The following PRMT7 variants were observed in gnomAD, a reference collection of about 807,000 sequenced individuals.
PRMT7 encodes protein arginine N-methyltransferase 7.
PRMT7 carries 75 observed loss-of-function variants against 85.4 expected under a neutral mutation model. The ratio of observed to expected loss-of-function variants is 0.88; its 90% CI spans 0.73 to 1.06. The LOEUF is 1.06. Ranked by LOEUF, PRMT7 falls within the 50% of genes least tolerant of loss-of-function variation. The pLI, the probability that PRMT7 is intolerant of heterozygous loss-of-function variation, is 0.00. For missense variants in PRMT7, 868 were observed against 915.2 expected, an observed-to-expected ratio of 0.95 and a Z score of 0.67; for synonymous variants, 397 against 359.5, an observed-to-expected ratio of 1.10 and a Z score of -1.18.
At chr16:68,332,693 G>C (rs2084070192) in intron 6 of PRMT7, among the ~76,000 whole-genome samples, 5 of 152,088 alleles carry the variant, frequency 3.3e-5, no homozygotes, top group Non-Finnish European at 7.4e-5. Flanking sequence ...TCTCTGCCTG[G>C]CAAGTTCCAG....
chr16:68,352,733 C>T (rs767203256), intron 15 of PRMT7: 44 of 191,926 alleles, frequency 2.3e-4, no homozygotes, highest in Non-Finnish European at 3.1e-4. Context: ...GCCGAGGCTT[C>T]GATTGTTAAA....
chr16:68,327,011 G>T (rs10775303), intron 5 of PRMT7, among the ~76,000 whole-genome samples: 63,378 of 152,004 alleles, frequency 0.42, 16,270 homozygotes, highest in East Asian at 0.78. Flanking sequence ...AAAACATCAA[G>T]GCAAATCCTA....
chr16:68,329,968 A>C (rs953124766), intron 6 of PRMT7, among the ~76,000 whole-genome samples: 1 of 151,766 alleles, frequency 6.6e-6, no homozygotes. Flanking sequence ...ATCTTGGCTC[A>C]CTGCATCCTC....
At chr16:68,348,195 AT>A in intron 13 of PRMT7, 146 bp from the exon 14 acceptor site, 1 of 683,688 alleles carries the variant, frequency 1.5e-6, no homozygotes. Context: ...CAAGGAGAGG[AT>A]TTTTCCACAA....
chr16:68,345,551 T>G lies in PRMT7; in HGVS notation c.928-124T>G, dbSNP rs535726880. 14 of 1,394,826 alleles carry G rather than the reference T, an allele frequency of 1.0e-5. No homozygotes were observed. In the African/African-American group the frequency reaches 2.0e-4, roughly 20 times the overall value. 86.4% of individuals were successfully genotyped at this position (1,394,826 alleles called of 1,614,324 possible). A position where few individuals can be genotyped will look rare whatever the true frequency, so the allele number is the denominator to read the frequency against. ...AGTTTATTTATCTCCTTGGCCACAA[T>G]AGCCAGCTGTAGTCTACATTGTGGA... On this transcript the variant is annotated intron_variant, in intron 9 of 18. Coordinates refer to ENST00000441236, the MANE Select transcript of PRMT7 (RefSeq NM_019023.5).
chr16:68,338,391 G>A (rs1022431242), intron 7 of PRMT7, among the ~76,000 whole-genome samples: 1 of 151,966 alleles, frequency 6.6e-6, no homozygotes, highest in African/African-American at 2.4e-5. Context: ...GGAAGGTTGG[G>A]AAGTGGTGAG....
At chr16:68,322,398 G>A (rs752202319) in intron 4 of PRMT7, 2 of 451,574 alleles carry the variant, frequency 4.4e-6, no homozygotes, top group Non-Finnish European at 8.9e-6. Context: ...GAGTTTCGCT[G>A]TATTGCCCAG....
intron 6 of PRMT7, among the ~76,000 whole-genome samples, chr16:68,336,858 T>C (rs2151691476): frequency 6.6e-6 from 1 of 152,304 alleles, no homozygotes; most frequent in South Asian, 2.1e-4. Flanking sequence ...GTTCAAGTGA[T>C]TCTCATGCCT....
intron 3 of PRMT7, among the ~76,000 whole-genome samples, chr16:68,319,709 A>AGTGTGTGTGTGTGTGTGTGT (rs750593103): frequency 1.6e-3 from 66 of 41,896 alleles, no homozygotes; most frequent in African/African-American, 7.0e-3. Context: ...AATAAGAGTG[A>AGTGTGTGTGTGTGTGTGTGT]GAGTGTGTGT....
intron 6 of PRMT7, 155 bp downstream of exon 6, chr16:68,329,329 T>C (rs2083528707): frequency 1.8e-6 from 1 of 553,064 alleles, no homozygotes; most frequent in Non-Finnish European, 3.2e-6. Context: ...TTTCTCTTGA[T>C]GTTTATTTTC....
At chr16:68,344,960 G>GACACACACA (rs1567713188) in intron 9 of PRMT7, among the ~76,000 whole-genome samples, 1 of 14,810 alleles carries the variant, frequency 6.8e-5, no homozygotes, top group African/African-American at 8.3e-4. Flanking sequence ...ACACACACGG[G>GACACACACA]CATGCACATT....
chr16:68,311,220 C>A, intron 1 of PRMT7, 121 bp downstream of exon 1: 5 of 521,248 alleles, frequency 9.6e-6, no homozygotes, highest in Non-Finnish European at 1.7e-5. Flanking sequence ...TTGGACTCCT[C>A]CGCGTGGGGC....
rs1438160826 is a variant in PRMT7 at position 68,353,752 on chromosome 16, C to T, written c.1650+186C>T. ...CCTGTTCTTGGCTCCGTGCTGTCAC[C>T]CTGTGTCAGAATCTCCACTGGGCCT... On this transcript the variant is annotated intron_variant, in intron 16 of 18. Coordinates refer to ENST00000441236, the MANE Select transcript of PRMT7 (RefSeq NM_019023.5). Among the ~76,000 whole-genome samples the T allele has an allele frequency of 3.3e-5, 5 of 152,266 alleles. No individual in the cohort carries two copies. In the East Asian group the frequency reaches 9.7e-4, roughly 29 times the overall value.
chr16:68,343,793 A>G (rs1567709696), intron 9 of PRMT7, among the ~76,000 whole-genome samples: 1 of 152,234 alleles, frequency 6.6e-6, no homozygotes, highest in African/African-American at 2.4e-5. Flanking sequence ...ATGTTCAAGT[A>G]AGCGTCTTAA....
At position 68,346,252 on chromosome 16, in the gene PRMT7, C is replaced by A. The variant is rs1469790510; in HGVS notation, c.1163C>A (p.Thr388Asn). 1 of 1,614,252 alleles carries A rather than the reference C, an allele frequency of 6.2e-7. No homozygotes were observed. The change falls in exon 11 of 19, where the codon ACT becomes AAT. Residue 388 changes from threonine to asparagine, a missense_variant. Thr to Asn is a moderately conservative substitution (Grantham distance 65, BLOSUM62 0). Transcript: ENST00000441236. ...RFGEINDQDRTDRYVQALRTV... is the reference protein window; with the variant it reads ...RFGEINDQDRNDRYVQALRTV... ...GGAGAGATCAATGACCAGGACAGAA[C>A]TGATCGATACGTCCAGGCTCTGAGG...
intron 6 of PRMT7, among the ~76,000 whole-genome samples, chr16:68,335,252 C>T (rs926068624): frequency 2.6e-5 from 4 of 152,062 alleles, no homozygotes; most frequent in Non-Finnish European, 2.9e-5. Flanking sequence ...TTGACTGTTA[C>T]GGGGCACTAG....
chr16:68,324,917 C>G, intron 5 of PRMT7, 85 bp downstream of exon 5: 2 of 1,552,666 alleles, frequency 1.3e-6, no homozygotes, highest in African/African-American at 1.4e-5. Context: ...TGTTCCTTCA[C>G]AAACATTCAT....
At chr16:68,357,021 G>C (rs991902513) in intron 18 of PRMT7, 33 bp from the exon 19 acceptor site, 2 of 1,573,426 alleles carry the variant, frequency 1.3e-6, no homozygotes, top group Non-Finnish European at 1.7e-6. Context: ...GTGCCAGGGA[G>C]CCCTCACCAT....
rs1299585735 is a variant in PRMT7 at position 68,311,106 on chromosome 16, C to T, written c.-219+7C>T. 4.3e-6 allele frequency: 3 copies of T among 701,418 alleles called. No homozygotes were observed. The highest frequency in any genetic ancestry group is 3.0e-5 in the South Asian group (2 of 66,018). 43.4% of individuals were successfully genotyped at this position (701,418 alleles called of 1,614,324 possible). A position where few individuals can be genotyped will look rare whatever the true frequency, so the allele number is the denominator to read the frequency against. ...GGAGGGTTTCCCGCGGCGGGTGAGGCGCTGGGTATGCTGGGAAGGTGGGGT... is the reference window on the plus strand; with the variant it reads ...GGAGGGTTTCCCGCGGCGGGTGAGGTGCTGGGTATGCTGGGAAGGTGGGGT... On this transcript the variant is annotated splice_region_variant and intron_variant, in intron 1 of 18. Coordinates refer to ENST00000441236, the MANE Select transcript of PRMT7 (RefSeq NM_019023.5).
Sources: gnomAD v4.1 joint callset for allele counts (sites outside exome capture counted in the v4.1 genomes callset) on GRCh38, gnomAD v4.1.1 for gene constraint, MANE v1.5 for transcripts, NCBI Gene and HGNC (gene_info 2026-07-23, HGNC 2026-07-21) for gene names.